The following NPFFR2 variants were observed in gnomAD, a reference collection of about 807,000 sequenced individuals.
NPFFR2 encodes the protein neuropeptide FF receptor 2.
In NPFFR2, 15 loss-of-function variants were observed where a neutral mutation model predicts 13.1. The observed-to-expected ratio is 1.15, with a 90% CI of 0.77 to 1.76. The LOEUF (loss-of-function observed/expected upper bound fraction) is 1.76. Ranked by LOEUF, NPFFR2 falls within the 40% of genes most tolerant of loss-of-function variation. The pLI is 0.00. For missense variants in NPFFR2, 572 were observed against 503.5 expected, an observed-to-expected ratio of 1.14 and a Z score of -1.30; for synonymous variants, 190 against 175.7, an observed-to-expected ratio of 1.08 and a Z score of -0.65.
intron 1 of NPFFR2, among the ~76,000 whole-genome samples, chr4:72,077,891 A>G (rs1302897509): frequency 6.6e-6 from 1 of 152,108 alleles, no homozygotes; most frequent in African/African-American, 2.4e-5. Context: ...ACTCAGATAA[A>G]GAAAGTGAAA....
chr4:72,128,725 C>T lies in NPFFR2; in HGVS notation c.134C>T (p.Ala45Val), dbSNP rs1307290146. 1 of 1,613,996 alleles carries T rather than the reference C, an allele frequency of 6.2e-7. No homozygotes were observed. The highest frequency in any genetic ancestry group is 8.5e-7 in the Non-Finnish European group (1 of 1,179,998). ...TACTATCTTCACCAGCCTCAAGTGG[C>T]AGCAATCTTCATTATTTCCTACTTT... is the stretch of plus-strand genomic sequence containing the variant. The part of the protein sequence containing the change: ...VNYYLHQPQV[A>V]AIFIISYFLI... The change falls in exon 2 of 4, where the codon GCA becomes GTA. Residue 45 changes from alanine to valine, a missense_variant. Coordinates refer to ENST00000308744, the MANE Select transcript of NPFFR2 (RefSeq NM_004885.3).
At chr4:72,133,290 T>C (rs746445954) in intron 2 of NPFFR2, among the ~76,000 whole-genome samples, 10 of 152,190 alleles carry the variant, frequency 6.6e-5, no homozygotes, top group Admixed American at 1.3e-4. Context: ...ATTGTTTTTG[T>C]TAGCTTTGTT....
intron 3 of NPFFR2, among the ~76,000 whole-genome samples, chr4:72,140,962 G>A (rs1033873166): frequency 1.3e-5 from 2 of 152,086 alleles, no homozygotes; most frequent in African/African-American, 2.4e-5. Context: ...TCTGTTCAGA[G>A]ATTCAACTTC....
chr4:72,109,444 G>A (rs992282863), intron 1 of NPFFR2, among the ~76,000 whole-genome samples: 5 of 151,858 alleles, frequency 3.3e-5, no homozygotes, highest in South Asian at 2.1e-4. Flanking sequence ...CATCCATGTC[G>A]TGAGAAATAG....
intron 3 of NPFFR2, among the ~76,000 whole-genome samples, chr4:72,143,612 A>T (rs767742889): frequency 6.6e-6 from 1 of 152,148 alleles, no homozygotes; most frequent in Non-Finnish European, 1.5e-5. Flanking sequence ...AATAAGATTC[A>T]ATCTCAGCAC....
chr4:72,109,430 C>T (rs1721503652), intron 1 of NPFFR2, among the ~76,000 whole-genome samples: 1 of 151,960 alleles, frequency 6.6e-6, no homozygotes, highest in African/African-American at 2.4e-5. Flanking sequence ...ATGTCTTGCA[C>T]ATTCATCCAT....
intron 1 of NPFFR2, among the ~76,000 whole-genome samples, chr4:72,094,802 A>ATTTGTG (rs1721014498): frequency 6.6e-6 from 1 of 152,164 alleles, no homozygotes; most frequent in Non-Finnish European, 1.5e-5. Flanking sequence ...TGCAGCAACA[A>ATTTGTG]TCCATCCACT....
chr4:72,145,742 A>G (rs1437738521), intron 3 of NPFFR2, among the ~76,000 whole-genome samples: 1 of 152,230 alleles, frequency 6.6e-6, no homozygotes, highest in Non-Finnish European at 1.5e-5. Context: ...GTTGCTGCTC[A>G]GCCACTTAAA....
chr4:72,099,836 C>T (rs1721188164), intron 1 of NPFFR2, among the ~76,000 whole-genome samples: 1 of 152,072 alleles, frequency 6.6e-6, no homozygotes, highest in African/African-American at 2.4e-5. Flanking sequence ...ATGCTACTAT[C>T]CCTAGAGAAC....
At chr4:72,125,139 A>G (rs1006417982) in intron 1 of NPFFR2, among the ~76,000 whole-genome samples, 1 of 152,240 alleles carries the variant, frequency 6.6e-6, no homozygotes, top group Non-Finnish European at 1.5e-5. Flanking sequence ...ACTTCTCAAA[A>G]GAGGACATTT....
At chr4:72,091,600 G>A (rs1720920937) in intron 1 of NPFFR2, among the ~76,000 whole-genome samples, 1 of 152,026 alleles carries the variant, frequency 6.6e-6, no homozygotes, top group Admixed American at 6.6e-5. Flanking sequence ...ATCTCCTCTA[G>A]GTTTTCTAGT....
chr4:72,130,061 G>A (rs1182617538), intron 2 of NPFFR2, among the ~76,000 whole-genome samples: 3 of 148,154 alleles, frequency 2.0e-5, no homozygotes, highest in African/African-American at 7.6e-5. Flanking sequence ...GGGGTTGGGG[G>A]TAAGGTCATA....
intron 1 of NPFFR2, among the ~76,000 whole-genome samples, chr4:72,064,144 T>C (rs1044453773): frequency 2.0e-5 from 3 of 152,218 alleles, no homozygotes; most frequent in Non-Finnish European, 4.4e-5. Flanking sequence ...ATATTAGTTA[T>C]TTATTTCTGC....
rs950269712 is a variant in NPFFR2, at chr4:72,084,251, T to G, written c.-7-44334T>G. On this transcript the variant is annotated intron_variant, in intron 1 of 3. Transcript: ENST00000308744. ...TTCCTTTACCATGGCTTGTAAAAAT[T>G]TACTTAAAACTGATTTGATATTTGC... Among the ~76,000 whole-genome samples the G allele has an allele frequency of 2.4e-4, 36 of 152,134 alleles. 1 individual carries two copies. The highest frequency in any genetic ancestry group is 8.7e-4 in the African/African-American group (36 of 41,444).
At chr4:72,117,242 C>T (rs1035365899) in intron 1 of NPFFR2, among the ~76,000 whole-genome samples, 6 of 152,144 alleles carry the variant, frequency 3.9e-5, no homozygotes, top group East Asian at 3.9e-4. Context: ...ATTCCTTTCT[C>T]GGCTGTCCTT....
chr4:72,141,471 A>C (rs879540291), intron 3 of NPFFR2, among the ~76,000 whole-genome samples: 5 of 152,168 alleles, frequency 3.3e-5, no homozygotes, highest in Non-Finnish European at 5.9e-5. Flanking sequence ...CTTTGTCCTC[A>C]TTGATTTCAA....
chr4:72,043,532 G>A (rs1454153592), intron 1 of NPFFR2, among the ~76,000 whole-genome samples: 3 of 152,232 alleles, frequency 2.0e-5, no homozygotes. Context: ...CCTACATCTT[G>A]CATCAGTGTG....
chr4:72,093,712 T>G (rs1263133098), intron 1 of NPFFR2, among the ~76,000 whole-genome samples: 1 of 152,126 alleles, frequency 6.6e-6, no homozygotes, highest in Non-Finnish European at 1.5e-5. Context: ...GCTATTTTAC[T>G]GGAGATTTTT....
chr4:72,059,635 G>T (rs761752030), intron 1 of NPFFR2, among the ~76,000 whole-genome samples: 10 of 151,954 alleles, frequency 6.6e-5, no homozygotes, highest in Non-Finnish European at 1.0e-4. Context: ...AAAATTACAG[G>T]GTCTTTAACT....
Sources: allele counts gnomAD v4.1 joint callset (sites outside exome capture counted in the v4.1 genomes callset), GRCh38; gene constraint gnomAD v4.1.1; transcripts MANE v1.5; gene names NCBI Gene and HGNC (gene_info 2026-07-23, HGNC 2026-07-21).